The following NDST4 variants were observed in gnomAD, a reference collection of about 807,000 sequenced individuals.
NDST4 encodes the protein N-heparan sulfate sulfotransferase 4.
NDST4 carries 63 observed loss-of-function variants against 100.8 expected under a neutral mutation model. The ratio of observed to expected loss-of-function variants is 0.62; its 90% CI spans 0.51 to 0.77. The LOEUF (loss-of-function observed/expected upper bound fraction) is 0.77, where lower values mean the gene tolerates loss of function less well. NDST4 is among the 30% of genes least tolerant of loss of function. NDST4 has a pLI of 0.00. For synonymous variants in NDST4, 377 were observed against 361.8 expected (o/e 1.04, Z -0.48); for missense variants, 943 against 1,018.4 (o/e 0.93, Z 1.01).
chr4:115,028,351 AGAT>A (rs1265062646), intron 2 of NDST4, among the ~76,000 whole-genome samples: 1 of 152,100 alleles, frequency 6.6e-6, no homozygotes, highest in Admixed American at 6.6e-5. Context: ...AACTTCCAGG[AGAT>A]GATGTCTGTA....
At chr4:114,981,897 G>T (rs1578429393) in intron 2 of NDST4, among the ~76,000 whole-genome samples, 1 of 152,158 alleles carries the variant, frequency 6.6e-6, no homozygotes, top group South Asian at 2.1e-4. Context: ...CATGTTGAAG[G>T]TGGGGCTTGG....
intron 6 of NDST4, among the ~76,000 whole-genome samples, chr4:114,890,088 G>A (rs1400992331): frequency 1.3e-5 from 2 of 151,948 alleles, no homozygotes; most frequent in African/African-American, 4.8e-5. Flanking sequence ...TTATTTTAAT[G>A]CATGTGTACA....
chr4:114,855,853 T>C (rs1283808717), intron 7 of NDST4, among the ~76,000 whole-genome samples: 1 of 152,214 alleles, frequency 6.6e-6, no homozygotes, highest in Non-Finnish European at 1.5e-5. Context: ...TACATCTTTC[T>C]TTAATACTAT....
intron 4 of NDST4, among the ~76,000 whole-genome samples, chr4:114,939,900 G>C (rs1317314362): frequency 6.6e-6 from 1 of 152,160 alleles, no homozygotes; most frequent in Non-Finnish European, 1.5e-5. Context: ...AAAGTGGGAA[G>C]TAATTCCCTA....
chr4:114,942,922 T>C (rs1295118903), intron 4 of NDST4, among the ~76,000 whole-genome samples: 1 of 150,810 alleles, frequency 6.6e-6, no homozygotes, highest in Non-Finnish European at 1.5e-5. Context: ...AAAAAATTAG[T>C]ATCTTGAATT....
At chr4:114,919,982 G>T (rs1725255268) in intron 6 of NDST4, among the ~76,000 whole-genome samples, 1 of 152,262 alleles carries the variant, frequency 6.6e-6, no homozygotes, top group South Asian at 2.1e-4. Flanking sequence ...GTATTATTGG[G>T]AAGTTGCCTA....
At chr4:114,857,358 CA>C (rs1723819436) in intron 7 of NDST4, among the ~76,000 whole-genome samples, 1 of 152,124 alleles carries the variant, frequency 6.6e-6, no homozygotes. Flanking sequence ...ATCATAAATT[CA>C]GGTATGTCCA....
At chr4:114,999,809 G>T (rs1169047490) in intron 2 of NDST4, among the ~76,000 whole-genome samples, 1 of 151,984 alleles carries the variant, frequency 6.6e-6, no homozygotes, top group South Asian at 2.1e-4. Context: ...CGTAAAGGCT[G>T]TTAGGAGGTA....
intron 1 of NDST4, among the ~76,000 whole-genome samples, chr4:115,092,952 T>A (rs1447736244): frequency 6.6e-6 from 1 of 152,142 alleles, no homozygotes; most frequent in African/African-American, 2.4e-5. Context: ...CTGTTTACAA[T>A]GGATATAAAA....
chr4:114,997,067 A>G (rs1578440547), intron 2 of NDST4, among the ~76,000 whole-genome samples: 1 of 152,170 alleles, frequency 6.6e-6, no homozygotes. Context: ...AGTCATTTAG[A>G]TATTTTTCAC....
chr4:115,056,709 GA>G (rs1234372725), intron 2 of NDST4, among the ~76,000 whole-genome samples: 1 of 151,950 alleles, frequency 6.6e-6, no homozygotes, highest in South Asian at 2.1e-4. Flanking sequence ...GTCATGCTCA[GA>G]AAAAAATATT....
intron 10 of NDST4, among the ~76,000 whole-genome samples, chr4:114,840,127 T>C (rs1360311468): frequency 2.0e-5 from 3 of 152,192 alleles, no homozygotes; most frequent in East Asian, 3.8e-4. Context: ...TTCTCATGCT[T>C]GTTTAGATGT....
intron 2 of NDST4, among the ~76,000 whole-genome samples, chr4:115,014,116 T>C (rs1165562356): frequency 1.3e-5 from 2 of 152,066 alleles, no homozygotes; most frequent in East Asian, 3.9e-4. Flanking sequence ...TATTAATCTG[T>C]CAAATGCCTT....
rs1729180804 is a variant in NDST4 at position 115,076,302 on chromosome 4, T to A, written c.735A>T (p.Ser245=). The A allele has an allele frequency of 6.2e-7, 1 of 1,613,874 alleles. No homozygotes were observed. The highest frequency in any genetic ancestry group is 1.3e-5 in the African/African-American group (1 of 74,934). Residue 245 remains serine (S), a synonymous_variant, in exon 2 of 14, where the codon TCA becomes TCT. Coordinates refer to ENST00000264363, the MANE Select transcript of NDST4 (RefSeq NM_022569.3). ...LTELQTEKSL[S]SLSSKTLFAT... is the part of the protein sequence containing the mutation. ...CAAAGAGTGTTTTGCTAGACAAGGATGACAGGGATTTTTCTGTCTGTAACT... is the reference window on the plus strand; with the variant it reads ...CAAAGAGTGTTTTGCTAGACAAGGAAGACAGGGATTTTTCTGTCTGTAACT...
chr4:115,045,336 C>T (rs1257602597), intron 2 of NDST4, among the ~76,000 whole-genome samples: 1 of 152,128 alleles, frequency 6.6e-6, no homozygotes, highest in African/African-American at 2.4e-5. Flanking sequence ...AAAAGAAAAA[C>T]AAAACCAGAC....
At chr4:114,874,816 C>CT (rs1369410853) in intron 6 of NDST4, among the ~76,000 whole-genome samples, 4 of 151,860 alleles carry the variant, frequency 2.6e-5, no homozygotes, top group Non-Finnish European at 1.5e-5. Context: ...TTTTCACAGA[C>CT]TTATGTTGCT....
intron 1 of NDST4, among the ~76,000 whole-genome samples, chr4:115,101,671 T>C (rs1221269623): frequency 1.3e-5 from 2 of 152,048 alleles, no homozygotes; most frequent in African/African-American, 2.4e-5. Flanking sequence ...AGCAGTCCAG[T>C]GGTATAGTGA....
At chr4:114,975,899 T>A (rs6820993) in intron 3 of NDST4, among the ~76,000 whole-genome samples, 2 of 151,870 alleles carry the variant, frequency 1.3e-5, no homozygotes, top group African/African-American at 4.8e-5. Context: ...CCATGTCTAT[T>A]TTCAAAATTG....
chr4:114,916,592 ATGTG>A (rs377039294), intron 6 of NDST4, among the ~76,000 whole-genome samples: 2 of 85,632 alleles, frequency 2.3e-5, no homozygotes, highest in South Asian at 3.8e-4. Flanking sequence ...GTTTGTGTGT[ATGTG>A]TGTGTGTGTG....
Sources: gnomAD v4.1 joint callset for allele counts (sites outside exome capture counted in the v4.1 genomes callset) on GRCh38, gnomAD v4.1.1 for gene constraint, MANE v1.5 for transcripts, NCBI Gene and HGNC (gene_info 2026-07-23, HGNC 2026-07-21) for gene names.